The following TMEM131 variants were observed in gnomAD, a reference collection of about 807,000 sequenced individuals.
The protein encoded by TMEM131 is 2610524E03Rik.
In TMEM131, 66 loss-of-function variants were observed where a neutral mutation model predicts 211.6. The ratio of observed to expected loss-of-function variants is 0.31; its 90% CI spans 0.26 to 0.38. The LOEUF (loss-of-function observed/expected upper bound fraction) is 0.38. TMEM131 is among the 10% of genes least tolerant of loss of function. The pLI, the probability that TMEM131 is intolerant of heterozygous loss-of-function variation, is 1.00. For missense variants in TMEM131, 2,036 were observed against 2,299.3 expected (o/e 0.89, Z 2.34); for synonymous variants, 844 against 841.3 (o/e 1.00, Z -0.06).
rs543677477 is a variant in TMEM131 at position 97,891,211 on chromosome 2, G to C, written c.291-3091C>G. Among the ~76,000 whole-genome samples, 3 of 152,314 alleles carry C rather than the reference G, an allele frequency of 2.0e-5. No homozygotes were observed. The South Asian group carries it at 6.2e-4, about 32-fold the overall frequency. On this transcript the variant is annotated intron_variant, in intron 3 of 40. Transcript: ENST00000186436. ...AACTAGGGAAGATGCAATATAAAGA[G>C]TGGTGGCCTTTGCTAATATCATTGC... is the stretch of plus-strand genomic sequence containing the variant.
chr2:97,848,872 G>A (rs947052505), intron 5 of TMEM131, among the ~76,000 whole-genome samples: 1 of 151,972 alleles, frequency 6.6e-6, no homozygotes, highest in Non-Finnish European at 1.5e-5. Flanking sequence ...AGAATGAAAA[G>A]GTATGACACA....
intron 1 of TMEM131, among the ~76,000 whole-genome samples, chr2:97,982,058 C>G (rs1679821659): frequency 6.6e-6 from 1 of 152,162 alleles, no homozygotes; most frequent in African/African-American, 2.4e-5. Flanking sequence ...TACTAAGGAG[C>G]ATAACTGTGG....
At chr2:97,862,037 A>AGT (rs1251077089) in intron 4 of TMEM131, among the ~76,000 whole-genome samples, 1 of 152,140 alleles carries the variant, frequency 6.6e-6, no homozygotes, top group African/African-American at 2.4e-5. Flanking sequence ...AGAGAGAGAG[A>AGT]GACTGTTTGT....
intron 3 of TMEM131, chr2:97,907,044 C>A (rs1459494488): frequency 2.0e-5 from 3 of 152,198 alleles, no homozygotes; most frequent in African/African-American, 7.2e-5. Flanking sequence ...TCTAATTCCA[C>A]AGCTAATTTC....
chr2:97,904,239 G>C (rs1445085379), intron 3 of TMEM131, among the ~76,000 whole-genome samples: 1 of 152,052 alleles, frequency 6.6e-6, no homozygotes, highest in Non-Finnish European at 1.5e-5. Context: ...CTAAAACAAT[G>C]TTCATGTTTA....
chr2:97,792,074 A>G (rs1243167838), intron 31 of TMEM131, among the ~76,000 whole-genome samples: 4 of 152,228 alleles, frequency 2.6e-5, no homozygotes, highest in African/African-American at 4.8e-5. Flanking sequence ...CTGTGCTCAA[A>G]ATTATTTTAA....
At chr2:97,891,306 C>T (rs1204995131) in intron 3 of TMEM131, among the ~76,000 whole-genome samples, 1 of 151,944 alleles carries the variant, frequency 6.6e-6, no homozygotes, top group Non-Finnish European at 1.5e-5. Context: ...GTTATGTTGC[C>T]CAAGCTGGTC....
chr2:97,793,332 A>G, intron 30 of TMEM131, 63 bp downstream of exon 30: 1 of 1,488,854 alleles, frequency 6.7e-7, no homozygotes, highest in Non-Finnish European at 9.1e-7. Context: ...CTTATTTTTT[A>G]TTGTAATTTT....
chr2:97,920,816 A>AT (rs1470963788), intron 2 of TMEM131, among the ~76,000 whole-genome samples: 2 of 152,238 alleles, frequency 1.3e-5, no homozygotes, highest in African/African-American at 4.8e-5. Context: ...CAAGATCTTT[A>AT]TGCAGAATAT....
At chr2:97,759,590 ACCT>A (rs1678708140) in intron 39 of TMEM131, 59 bp downstream of exon 39, 1 of 1,392,378 alleles carries the variant, frequency 7.2e-7, no homozygotes, top group Non-Finnish European at 1.0e-6. Flanking sequence ...ACAAAACCAC[ACCT>A]CCTCTCCCTT....
intron 39 of TMEM131, chr2:97,759,305 T>C: frequency 1.8e-6 from 1 of 561,366 alleles, no homozygotes; most frequent in East Asian, 3.0e-5. Context: ...TGATAGCTAA[T>C]GGGAAGCTTC....
chr2:97,801,061 A>G (rs1681013393), intron 25 of TMEM131, among the ~76,000 whole-genome samples: 1 of 152,276 alleles, frequency 6.6e-6, no homozygotes, highest in African/African-American at 2.4e-5. Context: ...TATGCCTTAC[A>G]GATTAAAACA....
chr2:97,775,920 C>T lies in TMEM131; in HGVS notation c.4243G>A (p.Asp1415Asn). 1 of 1,613,974 alleles carries T rather than the reference C, an allele frequency of 6.2e-7. No homozygotes were observed. The highest frequency in any genetic ancestry group is 8.5e-7 in the Non-Finnish European group (1 of 1,179,878). The change falls in exon 32 of 41, where the codon GAC becomes AAC. Residue 1415 changes from aspartate to asparagine, a missense_variant. This residue lies in a region of TMEM131 where 1,623 missense variants were observed against 1,805.9 expected (regional missense o/e 0.90). Coordinates refer to ENST00000186436, the MANE Select transcript of TMEM131 (RefSeq NM_015348.2). ...GAGCTATCATCATCAGCCAAAGAGT[C>T]CTTCAGCTCATCTTCCTGTGGCTTT... Reference protein sequence around the residue: ...KGKPQEDELKDSLADDDSSST... With the variant: ...KGKPQEDELKNSLADDDSSST...
At chr2:97,891,548 T>C (rs773693465) in intron 3 of TMEM131, among the ~76,000 whole-genome samples, 39 of 152,286 alleles carry the variant, frequency 2.6e-4, no homozygotes, top group Non-Finnish European at 4.6e-4. Flanking sequence ...TGAAGACTAT[T>C]TTCTGATTTC....
intron 19 of TMEM131, among the ~76,000 whole-genome samples, chr2:97,809,060 T>A (rs1681434789): frequency 6.6e-6 from 1 of 152,194 alleles, no homozygotes; most frequent in Non-Finnish European, 1.5e-5. Flanking sequence ...CTATTGTTAC[T>A]TTCATCTGTG....
At position 97,976,534 on chromosome 2, in the gene TMEM131, C is replaced by G. The variant is rs532805506; in HGVS notation, c.187+18942G>C. Among the ~76,000 whole-genome samples, 4 of 152,202 alleles carry G rather than the reference C, an allele frequency of 2.6e-5. No homozygotes were observed. In the East Asian group the frequency reaches 7.7e-4, roughly 29 times the overall value. On this transcript the variant is annotated intron_variant, in intron 1 of 40. Coordinates refer to ENST00000186436, the MANE Select transcript of TMEM131 (RefSeq NM_015348.2). ...ACCTAAATAAATGGTGAAAATATCC[C>G]TGTTCATGTGTCAGAAAACTAAATA...
intron 32 of TMEM131, among the ~76,000 whole-genome samples, chr2:97,774,113 T>C (rs1013590769): frequency 3.3e-5 from 5 of 152,234 alleles, no homozygotes; most frequent in East Asian, 1.9e-4. Flanking sequence ...CAAGAGTAAA[T>C]AACCAGAGCT....
chr2:97,787,024 C>T (rs1573359317), intron 31 of TMEM131, among the ~76,000 whole-genome samples: 1 of 152,162 alleles, frequency 6.6e-6, no homozygotes, highest in Non-Finnish European at 1.5e-5. Flanking sequence ...TAACTTTATT[C>T]GAGGTTTCTG....
chr2:97,880,135 C>A (rs572229022), intron 4 of TMEM131, among the ~76,000 whole-genome samples: 3 of 145,742 alleles, frequency 2.1e-5, no homozygotes, highest in African/African-American at 7.8e-5. Flanking sequence ...TGAAAACTTC[C>A]ATAAAAAACT....
Sources: gnomAD v4.1 joint callset for allele counts (sites outside exome capture counted in the v4.1 genomes callset) on GRCh38, gnomAD v4.1.1 for gene constraint, gnomAD v4.1.1 regional missense constraint, MANE v1.5 for transcripts, NCBI Gene and HGNC (gene_info 2026-07-23, HGNC 2026-07-21) for gene names.